The following CHD6 variants were observed in gnomAD, a reference collection of about 807,000 sequenced individuals.
CHD6 encodes ATP-dependent chromatin remodeler CHD6.
Under a neutral mutation model 276.9 loss-of-function variants are expected in CHD6, and 50 were observed. The ratio of observed to expected loss-of-function variants is 0.18; its 90% CI spans 0.14 to 0.23. The LOEUF (loss-of-function observed/expected upper bound fraction) is 0.23, where lower values mean the gene tolerates loss of function less well. Among genes scored for constraint, CHD6 ranks in the 10% least tolerant of loss-of-function variants. CHD6 has a pLI of 1.00. For missense variants in CHD6, 2,564 were observed against 3,365.8 expected, an observed-to-expected ratio of 0.76 and a Z score of 5.89; for synonymous variants, 1,173 against 1,229.3, an observed-to-expected ratio of 0.95 and a Z score of 0.96.
chr20:41,592,646 T>A (rs2045676158), intron 1 of CHD6, among the ~76,000 whole-genome samples: 1 of 152,226 alleles, frequency 6.6e-6, no homozygotes, highest in Non-Finnish European at 1.5e-5. Flanking sequence ...TAAAAATGCC[T>A]GCTTCTGACC....
At position 41,566,227 on chromosome 20, in the gene CHD6, G is replaced by A. The variant is rs142386408; in HGVS notation, c.-23-14867C>T. On this transcript the variant is annotated intron_variant, in intron 1 of 36. Transcript: ENST00000373233. ...GGACCTCTACTCTGGAAAAACATCC[G>A]AGCAGAAACTCAACCATGAAATCAC... is the stretch of plus-strand genomic sequence containing the variant. Among the ~76,000 whole-genome samples the A allele has an allele frequency of 2.9e-3, 439 of 152,218 alleles. 2 individuals carry two copies. The highest frequency in any genetic ancestry group is 9.8e-3 in the African/African-American group (406 of 41,536).
intron 2 of CHD6, among the ~76,000 whole-genome samples, chr20:41,540,937 A>G (rs1400250456): frequency 6.6e-6 from 1 of 151,888 alleles, no homozygotes; most frequent in Non-Finnish European, 1.5e-5. Flanking sequence ...TTATTTCCTA[A>G]TTAAAATTAG....
chr20:41,454,029 C>G (rs1168629456), intron 20 of CHD6, among the ~76,000 whole-genome samples: 1 of 152,130 alleles, frequency 6.6e-6, no homozygotes, highest in Non-Finnish European at 1.5e-5. Context: ...TAAGGGGTGC[C>G]TCACAGTGGG....
At chr20:41,554,686 T>C (rs1197593761) in intron 1 of CHD6, among the ~76,000 whole-genome samples, 1 of 151,372 alleles carries the variant, frequency 6.6e-6, no homozygotes, top group Non-Finnish European at 1.5e-5. Flanking sequence ...AGCACATGTT[T>C]CAGAGAGCAC....
At chr20:41,585,314 A>G (rs2045582514) in intron 1 of CHD6, among the ~76,000 whole-genome samples, 1 of 151,910 alleles carries the variant, frequency 6.6e-6, no homozygotes, top group South Asian at 2.1e-4. Flanking sequence ...GACCAGCCTG[A>G]CCAACATGGA....
At chr20:41,420,122 C>T (rs2047137320) in intron 31 of CHD6, among the ~76,000 whole-genome samples, 1 of 152,144 alleles carries the variant, frequency 6.6e-6, no homozygotes, top group African/African-American at 2.4e-5. Flanking sequence ...AAATTAACTG[C>T]CCCTATATTA....
At chr20:41,440,411 G>A (rs187522246) in intron 25 of CHD6, among the ~76,000 whole-genome samples, 1 of 152,270 alleles carries the variant, frequency 6.6e-6, no homozygotes, top group East Asian at 1.9e-4. Flanking sequence ...GCTGCTTCCC[G>A]TCAGCTGGTT....
At chr20:41,457,199 A>T in intron 18 of CHD6, 65 bp downstream of exon 18, 1 of 1,552,878 alleles carries the variant, frequency 6.4e-7, no homozygotes, top group Non-Finnish European at 8.8e-7. Context: ...CTGTAAGAAG[A>T]GAAGCCTGTC....
chr20:41,562,878 C>T (rs753519395), intron 1 of CHD6, among the ~76,000 whole-genome samples: 1 of 152,172 alleles, frequency 6.6e-6, no homozygotes, highest in Admixed American at 6.5e-5. Flanking sequence ...AGCTGTAAAG[C>T]TTGGACTAAA....
chr20:41,432,120 A>AT (rs1163731493), intron 27 of CHD6, among the ~76,000 whole-genome samples: 2 of 142,518 alleles, frequency 1.4e-5, no homozygotes, highest in East Asian at 4.6e-4. Context: ...AGATCATGCC[A>AT]TTGCACTCCA....
intron 1 of CHD6, among the ~76,000 whole-genome samples, chr20:41,571,615 C>A (rs2045418455): frequency 6.6e-6 from 1 of 151,414 alleles, no homozygotes; most frequent in Admixed American, 6.6e-5. Context: ...GTCTCAAACT[C>A]CTTGGCCATT....
chr20:41,451,184 G>T (rs1020676627), intron 22 of CHD6, 79 bp from the exon 23 acceptor site: 1 of 1,306,512 alleles, frequency 7.7e-7, no homozygotes, highest in Non-Finnish European at 1.1e-6. Context: ...GCTGGGCTGG[G>T]GTTTGTTAGA....
chr20:41,421,853 G>T lies in CHD6; in HGVS notation c.4782C>A (p.Asn1594Lys). The T allele has an allele frequency of 6.2e-7, 1 of 1,614,170 alleles. No homozygotes were observed. Among genetic ancestry groups the T allele is most frequent in the Non-Finnish European group, 8.5e-7 (1 of 1,180,028 alleles). The change falls in exon 31 of 37, where the codon AAC (asparagine) becomes AAA (lysine). Residue 1594 changes from asparagine to lysine, a missense_variant. Physicochemically the swap from Asn to Lys is moderately conservative, Grantham distance 94. Around this residue, in one of 7 missense-constraint regions of CHD6, gnomAD observed 515 missense variants for 739.5 expected, o/e 0.70. Coordinates refer to ENST00000373233, the MANE Select transcript of CHD6 (RefSeq NM_032221.5). ...CGTTCATGATGTAACAGTCAGTGCG[G>T]TTCAGCCCATGTTTGGCAGTGCCGA... ...LLIGTAKHGLNRTDCYIMNDP... is the reference protein window; with the variant it reads ...LLIGTAKHGLKRTDCYIMNDP...
At chr20:41,499,241 C>G in intron 6 of CHD6, 54 bp downstream of exon 6, 2 of 1,396,022 alleles carry the variant, frequency 1.4e-6, no homozygotes, top group Non-Finnish European at 9.8e-7. Flanking sequence ...AATCTCTTCA[C>G]AGAAGATGTA....
At chr20:41,489,056 C>T (rs1350272710) in intron 12 of CHD6, among the ~76,000 whole-genome samples, 3 of 152,146 alleles carry the variant, frequency 2.0e-5, no homozygotes, top group Admixed American at 1.3e-4. Flanking sequence ...GATTCTGATG[C>T]ACCTAAGACA....
At chr20:41,520,553 A>T (rs1465620702) in intron 3 of CHD6, among the ~76,000 whole-genome samples, 1 of 151,870 alleles carries the variant, frequency 6.6e-6, no homozygotes. Context: ...CATCATTCTC[A>T]GCAAACTATC....
rs1324767664 is a variant in CHD6, at chr20:41,404,305, G to C, written c.*288C>G. 2.0e-5 allele frequency: 23 copies of C among 1,125,968 alleles called. No homozygotes were observed. The highest frequency in any genetic ancestry group is 4.3e-5 in the East Asian group (1 of 23,264). The allele number at this position is 1,125,968 out of a possible 1,614,324, so 69.7% of individuals were successfully genotyped here. On this transcript the variant is annotated 3_prime_UTR_variant, in exon 37 of 37. Transcript: ENST00000373233. Reference sequence around the variant, plus strand: ...GTGAGTGGGAAACTTGGAAGAGAAGGGGGTAGGGCGTGTCACCAAGTACTG... The same window carrying C: ...GTGAGTGGGAAACTTGGAAGAGAAGCGGGTAGGGCGTGTCACCAAGTACTG...
At chr20:41,588,956 C>T (rs1326691442) in intron 1 of CHD6, among the ~76,000 whole-genome samples, 3 of 151,982 alleles carry the variant, frequency 2.0e-5, no homozygotes, top group African/African-American at 4.8e-5. Flanking sequence ...AACATCGATG[C>T]AAAAATCCTC....
intron 10 of CHD6, among the ~76,000 whole-genome samples, chr20:41,492,213 G>T (rs973619736): frequency 6.6e-6 from 1 of 152,184 alleles, no homozygotes; most frequent in African/African-American, 2.4e-5. Context: ...TCTCACACAA[G>T]AATCAACCTA....
Sources: gnomAD v4.1 joint callset for allele counts (sites outside exome capture counted in the v4.1 genomes callset) on GRCh38, gnomAD v4.1.1 for gene constraint, gnomAD v4.1.1 regional missense constraint, MANE v1.5 for transcripts, NCBI Gene and HGNC (gene_info 2026-07-23, HGNC 2026-07-21) for gene names.